Variants in ADRA1A observed in about 807,000 individuals in gnomAD.
The protein encoded by ADRA1A is adrenoceptor alpha 1A.
ADRA1A carries 31 observed loss-of-function variants against 29.6 expected under a neutral mutation model. The observed-to-expected ratio is 1.05, with a 90% CI of 0.79 to 1.41. The LOEUF (loss-of-function observed/expected upper bound fraction) is 1.41. Ranked by LOEUF, ADRA1A falls within the 40% of genes most tolerant of loss-of-function variation. The pLI is 0.00. For missense variants in ADRA1A, 619 were observed against 601.1 expected (o/e 1.03, Z -0.31); for synonymous variants, 311 against 254.3 (o/e 1.22, Z -2.12).
chr8:26,756,958 C>A, intron 2 of ADRA1A: 1 of 918,922 alleles, frequency 1.1e-6, no homozygotes. Context: ...AGTTGAGGAT[C>A]CCTCTCATTT....
At chr8:26,770,815 C>A in intron 2 of ADRA1A, 149 bp from the exon 3 acceptor site, 1 of 1,155,250 alleles carries the variant, frequency 8.7e-7, no homozygotes, top group Admixed American at 2.9e-5. Flanking sequence ...GACTGACTAG[C>A]TCCTATGACT....
At chr8:26,852,112 T>C (rs943822312) in intron 2 of ADRA1A, among the ~76,000 whole-genome samples, 1 of 152,078 alleles carries the variant, frequency 6.6e-6, no homozygotes, top group African/African-American at 2.4e-5. Context: ...GATTTTCAAA[T>C]GAACAAACAA....
chr8:26,793,105 A>G lies in ADRA1A; in HGVS notation c.884-22439T>C, dbSNP rs545157130. On this transcript the variant is annotated intron_variant, in intron 2 of 2. Transcript: ENST00000380573. ...CAGACTCCATGACATAAAGCATTTC[A>G]TGGAATAGACAGGATTATTTTAGGT... Among the ~76,000 whole-genome samples the G allele has an allele frequency of 1.7e-3, 263 of 152,058 alleles. 1 individual carries two copies. The highest frequency in any genetic ancestry group is 5.6e-3 in the African/African-American group (233 of 41,538).
At chr8:26,847,018 C>A (rs1028115761) in intron 2 of ADRA1A, among the ~76,000 whole-genome samples, 2 of 151,918 alleles carry the variant, frequency 1.3e-5, no homozygotes, top group Non-Finnish European at 2.9e-5. Context: ...GAATTGAACA[C>A]TGAGAACACA....
Position 26,864,381 on chromosome 8 carries a change from G to C in ADRA1A, c.589C>G (p.Leu197Val). 1 of 1,613,860 alleles carries C rather than the reference G, an allele frequency of 6.2e-7. No homozygotes were observed. The highest frequency in any genetic ancestry group is 8.5e-7 in the Non-Finnish European group (1 of 1,180,026). ...CAGTACATGACCAGGATGATGGCCA[G>C]AGGCAGGTAGAAGGAGCCCAGCGCT... ...FSALGSFYLP[L>V]AIILVMYCRV... The change falls in exon 2 of 3, where the codon CTG (leucine) becomes GTG (valine). Residue 197 changes from leucine to valine, a missense_variant. Transcript: ENST00000380573. This position sits in a 1 kb window ranked among gnomAD's most constrained non-coding sequence, Gnocchi z 8.1.
chr8:26,760,616 G>T, intron 2 of ADRA1A, among the ~76,000 whole-genome samples: 1 of 152,124 alleles, frequency 6.6e-6, no homozygotes, highest in Non-Finnish European at 1.5e-5. Flanking sequence ...GTGATCACAG[G>T]GCTCTCATGT....
rs905647042 is a variant in ADRA1A at position 26,831,428 on chromosome 8, C to A, written c.883+32659G>T. ...AGCCTGCTATGCCATGGCCAGTGCT[C>A]AAGTGGGCAGACTGATACTGAGCTC... On this transcript the variant is annotated intron_variant, in intron 2 of 2. Coordinates refer to ENST00000380573, the MANE Select transcript of ADRA1A (RefSeq NM_000680.4). This position sits in a 1 kb window ranked among gnomAD's most constrained non-coding sequence, Gnocchi z 5.2. 2.0e-5 allele frequency among the ~76,000 whole-genome samples: 3 copies of A among 152,072 alleles called. No individual in the cohort carries two copies. Among genetic ancestry groups the A allele is most frequent in the Non-Finnish European group, 4.4e-5 (3 of 68,010 alleles).
At chr8:26,781,783 C>T (rs977917180) in intron 2 of ADRA1A, among the ~76,000 whole-genome samples, 1 of 152,220 alleles carries the variant, frequency 6.6e-6, no homozygotes, top group Admixed American at 6.5e-5. Context: ...ACATCTGAAG[C>T]AGTGACACAA....
At chr8:26,766,065 C>A (rs1317452960), downstream of ADRA1A, 1 of 1,613,654 alleles carries the variant, frequency 6.2e-7, no homozygotes, top group Non-Finnish European at 8.5e-7. Flanking sequence ...CATTCTGAAC[C>A]CTTTCTCCAC....
intron 2 of ADRA1A, among the ~76,000 whole-genome samples, chr8:26,832,738 G>A (rs1015588670): frequency 3.3e-5 from 5 of 152,222 alleles, no homozygotes; most frequent in African/African-American, 1.2e-4. Flanking sequence ...TTGCCTGCAG[G>A]AGGATGTGCC....
At chr8:26,855,100 G>A (rs1812927068) in intron 2 of ADRA1A, among the ~76,000 whole-genome samples, 1 of 152,178 alleles carries the variant, frequency 6.6e-6, no homozygotes, top group African/African-American at 2.4e-5. Flanking sequence ...TTTTATTATA[G>A]CAGCCTGAAT....
downstream of ADRA1A, among the ~76,000 whole-genome samples, chr8:26,756,179 C>T (rs1032035415): frequency 6.6e-6 from 1 of 152,168 alleles, no homozygotes; most frequent in Admixed American, 6.5e-5. Flanking sequence ...TTTAAAATAA[C>T]GATCTAATTA....
rs1810300192 is a variant in ADRA1A, at chr8:26,823,114, A to T, written c.883+40973T>A. The stretch of plus-strand genomic sequence containing the variant: ...CTCTCCTTTCCAACTGTGAACTGTA[A>T]TTTTTTGTTATAGGCATTAACAGAA... On this transcript the variant is annotated intron_variant, in intron 2 of 2. Coordinates refer to ENST00000380573, the MANE Select transcript of ADRA1A (RefSeq NM_000680.4). This position sits in a 1 kb window ranked among gnomAD's most constrained non-coding sequence, Gnocchi z 4.2. Among the ~76,000 whole-genome samples, 3 of 152,286 alleles carry T rather than the reference A, an allele frequency of 2.0e-5. No homozygotes were observed. The South Asian group carries it at 6.2e-4, about 32-fold the overall frequency.
intron 2 of ADRA1A, among the ~76,000 whole-genome samples, chr8:26,783,503 T>C (rs930063863): frequency 2.0e-4 from 31 of 152,324 alleles, no homozygotes; most frequent in Admixed American, 6.5e-4. Context: ...ACTAAAAAAC[T>C]CTTCCGAAGG....
chr8:26,763,299 G>A (rs1229883925), downstream of ADRA1A, among the ~76,000 whole-genome samples: 2 of 152,130 alleles, frequency 1.3e-5, no homozygotes, highest in East Asian at 3.9e-4. This position sits in a 1 kb window ranked among gnomAD's most constrained non-coding sequence, Gnocchi z 4.5. Flanking sequence ...ACTTCCACTT[G>A]GGCAGGTCCC....
At chr8:26,862,059 T>G (rs1356290111) in intron 2 of ADRA1A, among the ~76,000 whole-genome samples, 1 of 152,196 alleles carries the variant, frequency 6.6e-6, no homozygotes, top group Non-Finnish European at 1.5e-5. Flanking sequence ...TAGAATAATA[T>G]GCAAACTTTA....
At position 26,758,899 on chromosome 8, in the gene ADRA1A, A is replaced by AT. The variant is rs78240244; in HGVS notation, c.1270-2121dup. The stretch of plus-strand genomic sequence containing the variant: ...AATGTTGTATTTATTCTCTGGGAAA[A>AT]TTTTTTTTTGTAATGTGACTATGAA... On this transcript the variant is annotated intron_variant, in intron 2 of 2. Transcript: ENST00000380582. 1.7e-3 allele frequency among the ~76,000 whole-genome samples: 260 copies of AT among 151,836 alleles called. 5 individuals are homozygous for AT. In the East Asian group the frequency reaches 0.044, roughly 26 times the overall value.
intron 2 of ADRA1A, among the ~76,000 whole-genome samples, chr8:26,812,505 G>T (rs552851349): frequency 1.3e-5 from 2 of 152,006 alleles, no homozygotes; most frequent in Admixed American, 1.3e-4. Flanking sequence ...TTAGAAGTCA[G>T]TAAAGTTCAG....
rs1361095358 is a variant in ADRA1A at position 26,865,121 on chromosome 8, G to A, written c.-152C>T. On this transcript the variant is annotated 5_prime_UTR_variant, in exon 2 of 3. Coordinates refer to ENST00000380573, the MANE Select transcript of ADRA1A (RefSeq NM_000680.4). The surrounding 1 kb of genome is among the most constrained non-coding windows in gnomAD (Gnocchi z 7.6). ...GCTGGGGGTGAGAGCGCGCGCGCGG[G>A]TGGGAAACAACCCTGGCCAGCCCTG... The A allele has an allele frequency of 2.0e-6, 3 of 1,470,132 alleles. No homozygotes were observed. Among genetic ancestry groups the A allele is most frequent in the Non-Finnish European group, 2.7e-6 (3 of 1,119,928 alleles). 91.1% of individuals were successfully genotyped at this position (1,470,132 alleles called of 1,614,324 possible). A position where few individuals can be genotyped will look rare whatever the true frequency, so the allele number is the denominator to read the frequency against.
Sources: allele counts gnomAD v4.1 joint callset (sites outside exome capture counted in the v4.1 genomes callset), GRCh38; gene constraint gnomAD v4.1.1; non-coding constraint Gnocchi (gnomAD v3.1); transcripts MANE v1.5; gene names NCBI Gene and HGNC (gene_info 2026-07-23, HGNC 2026-07-21).